The following MCPH1 variants were observed in gnomAD, a reference collection of about 807,000 sequenced individuals.
MCPH1 encodes the protein microcephalin.
A neutral mutation model predicts 84.5 loss-of-function variants in MCPH1; 104 were observed. That is an observed-to-expected ratio of 1.23 (90% CI 1.05 to 1.45). The LOEUF (loss-of-function observed/expected upper bound fraction) is 1.45, where lower values mean the gene tolerates loss of function less well. Among genes scored for constraint, MCPH1 ranks in the 40% most tolerant of loss-of-function variants. The pLI is 0.00. For synonymous variants in MCPH1, 514 were observed against 366.8 expected (o/e 1.40, Z -4.58); for missense variants, 1,498 against 1,005.7 (o/e 1.49, Z -6.62).
chr8:6,579,407 C>G (rs1168036380), intron 12 of MCPH1, among the ~76,000 whole-genome samples: 1 of 152,344 alleles, frequency 6.6e-6, no homozygotes, highest in East Asian at 1.9e-4. Flanking sequence ...CGCTCGGTCT[C>G]ACTTTTAGAT....
chr8:6,431,707 T>C (rs1157172116), intron 4 of MCPH1, 121 bp downstream of exon 4: 13 of 675,162 alleles, frequency 1.9e-5, no homozygotes, highest in Non-Finnish European at 3.1e-5. Context: ...ATGCTATTGA[T>C]GATATTGTTC....
Position 6,644,908 on chromosome 8 carries a change from T to C in MCPH1, c.*1859T>C, listed in dbSNP as rs1189893135. The C allele has an allele frequency of 1.3e-5, 2 of 152,206 alleles. No homozygotes were observed. The highest frequency in any genetic ancestry group is 2.9e-5 in the Non-Finnish European group (2 of 68,056). 9.4% of individuals were successfully genotyped at this position (152,206 alleles called of 1,614,324 possible). A position where few individuals can be genotyped will look rare whatever the true frequency, so the allele number is the denominator to read the frequency against. On this transcript the variant is annotated 3_prime_UTR_variant, in exon 14 of 14. Coordinates refer to ENST00000344683, the MANE Select transcript of MCPH1 (RefSeq NM_024596.5). ...AAACTGGAAATAATGAAGGGTTGTC[T>C]CTTGGTTTTAAAATAATGTATACAC...
intron 3 of MCPH1, among the ~76,000 whole-genome samples, chr8:6,422,154 G>A (rs1164971970): frequency 6.6e-6 from 1 of 152,044 alleles, no homozygotes; most frequent in Non-Finnish European, 1.5e-5. Flanking sequence ...TCTTTCTATT[G>A]TAATGTGGAT....
intron 12 of MCPH1, among the ~76,000 whole-genome samples, chr8:6,523,265 G>A (rs1322974605): frequency 6.6e-6 from 1 of 152,114 alleles, no homozygotes; most frequent in East Asian, 1.9e-4. Context: ...CCAAAGTGCT[G>A]GGATTACAGG....
chr8:6,414,923 A>G (rs769140463), intron 3 of MCPH1, 40 bp downstream of exon 3: 1 of 1,603,146 alleles, frequency 6.2e-7, no homozygotes, highest in South Asian at 1.1e-5. Context: ...TTAAGTATCT[A>G]GTATTGAAAA....
intron 13 of MCPH1, among the ~76,000 whole-genome samples, chr8:6,622,676 G>A (rs1046611746): frequency 2.6e-5 from 4 of 152,172 alleles, no homozygotes; most frequent in African/African-American, 9.7e-5. Flanking sequence ...TTCCCCTGAG[G>A]CCTCTCTCCT....
chr8:6,455,099 T>C (rs1336907640), intron 8 of MCPH1, 44 bp from the exon 9 acceptor site: 19 of 1,444,314 alleles, frequency 1.3e-5, no homozygotes, highest in Non-Finnish European at 1.8e-5. Flanking sequence ...TTGTATTTGG[T>C]CCATGTAAAG....
chr8:6,438,194 A>C (rs1563207074), intron 5 of MCPH1, among the ~76,000 whole-genome samples: 1 of 152,230 alleles, frequency 6.6e-6, no homozygotes, highest in East Asian at 1.9e-4. Flanking sequence ...GCAACATGGT[A>C]ATGATAGATA....
At chr8:6,495,892 C>G (rs1273515386) in intron 11 of MCPH1, among the ~76,000 whole-genome samples, 1 of 152,182 alleles carries the variant, frequency 6.6e-6, no homozygotes, top group African/African-American at 2.4e-5. Flanking sequence ...AAGTTTCTAA[C>G]TATCAGATTT....
At chr8:6,560,441 G>C (rs1825347089) in intron 12 of MCPH1, among the ~76,000 whole-genome samples, 1 of 152,188 alleles carries the variant, frequency 6.6e-6, no homozygotes, top group South Asian at 2.1e-4. Flanking sequence ...AAAACAAACA[G>C]TGAGGTTACA....
chr8:6,533,811 G>T (rs1427794730), intron 12 of MCPH1, among the ~76,000 whole-genome samples: 3 of 152,078 alleles, frequency 2.0e-5, no homozygotes, highest in African/African-American at 7.2e-5. Context: ...CATCAGACAT[G>T]ATTTCCCCCA....
chr8:6,575,994 T>G (rs938418245), intron 12 of MCPH1, among the ~76,000 whole-genome samples: 2 of 151,420 alleles, frequency 1.3e-5, no homozygotes, highest in East Asian at 1.9e-4. Context: ...GGATTTCTGT[T>G]TAAGCAAGTT....
At chr8:6,600,287 A>T (rs114018132) in intron 12 of MCPH1, among the ~76,000 whole-genome samples, 3,743 of 152,330 alleles carry the variant, frequency 0.025, 149 homozygotes, top group African/African-American at 0.084. Context: ...GGGGAGTGCA[A>T]GGGAGAGAGG....
At chr8:6,512,559 C>T (rs759421702) in intron 12 of MCPH1, among the ~76,000 whole-genome samples, 2 of 152,178 alleles carry the variant, frequency 1.3e-5, no homozygotes, top group African/African-American at 2.4e-5. Flanking sequence ...TTTAGGCTGG[C>T]GTTGGTGCCA....
chr8:6,461,235 A>C (rs2916744), intron 9 of MCPH1, among the ~76,000 whole-genome samples: 1,570 of 151,716 alleles, frequency 0.01, 23 homozygotes, highest in African/African-American at 0.035. Context: ...CCCATTTTTA[A>C]TGGCAAAAAT....
intron 12 of MCPH1, among the ~76,000 whole-genome samples, chr8:6,518,603 G>T (rs1394587500): frequency 6.6e-6 from 1 of 152,094 alleles, no homozygotes; most frequent in African/African-American, 2.4e-5. Flanking sequence ...CCTAATGCTT[G>T]TATTTTTAAA....
chr8:6,579,975 C>T (rs1052637142), intron 12 of MCPH1, among the ~76,000 whole-genome samples: 3 of 152,200 alleles, frequency 2.0e-5, no homozygotes, highest in East Asian at 1.9e-4. Flanking sequence ...CTGCCAGAAA[C>T]TAAATGTGGC....
At chr8:6,408,767 T>C (rs767456574) in intron 1 of MCPH1, among the ~76,000 whole-genome samples, 1 of 152,222 alleles carries the variant, frequency 6.6e-6, no homozygotes, top group Non-Finnish European at 1.5e-5. Context: ...TTCACTATGT[T>C]GCCCAGGCTG....
intron 9 of MCPH1, among the ~76,000 whole-genome samples, chr8:6,466,206 T>C (rs566768129): frequency 6.7e-6 from 1 of 149,486 alleles, no homozygotes; most frequent in African/African-American, 2.5e-5. Context: ...GCGCGATCTT[T>C]GCTCATTGCA....
Sources: allele counts gnomAD v4.1 joint callset (sites outside exome capture counted in the v4.1 genomes callset), GRCh38; gene constraint gnomAD v4.1.1; transcripts MANE v1.5; gene names NCBI Gene and HGNC (gene_info 2026-07-23, HGNC 2026-07-21).